Variants in ANK2 observed in about 807,000 individuals in gnomAD.
The protein encoded by ANK2 is ankyrin-2.
Under a neutral mutation model 360.5 loss-of-function variants are expected in ANK2, and 83 were observed. The observed-to-expected ratio is 0.23, with a 90% CI of 0.19 to 0.28. ANK2 has a LOEUF of 0.28. Among genes scored for constraint, ANK2 ranks in the 10% least tolerant of loss-of-function variants. The pLI is 1.00. For synonymous variants in ANK2, 1,740 were observed against 1,759.5 expected, an observed-to-expected ratio of 0.99 and a Z score of 0.28; for missense variants, 4,201 against 4,795.7, an observed-to-expected ratio of 0.88 and a Z score of 3.66.
In ANK2 at chr4:113,174,056, A is replaced by G. The variant is rs578012027; in HGVS notation, c.85-360A>G. 3 of 262,252 alleles carry G rather than the reference A, an allele frequency of 1.1e-5. No individual in the cohort carries two copies. The South Asian group carries it at 1.3e-4, about 11-fold the overall frequency. 16.2% of individuals were successfully genotyped at this position (262,252 alleles called of 1,614,324 possible). A position where few individuals can be genotyped will look rare whatever the true frequency, so the allele number is the denominator to read the frequency against. On this transcript the variant is annotated intron_variant, in intron 1 of 45. Coordinates refer to ENST00000357077, the MANE Select transcript of ANK2 (RefSeq NM_001148.6). ...TTTTTTGACTTGAGGTTAGCTCAGT[A>G]TAAAGTCACTAGAATCTTGAAGCTA...
chr4:113,138,151 C>A (rs555947043), intron 1 of ANK2, among the ~76,000 whole-genome samples: 3 of 152,206 alleles, frequency 2.0e-5, no homozygotes, highest in African/African-American at 7.2e-5. Context: ...TGTATAGATA[C>A]ATTTACTCTA....
At chr4:112,791,086 T>G in the ANK2 span, among the ~76,000 whole-genome samples, 1 of 152,204 alleles carries the variant, frequency 6.6e-6, no homozygotes, top group African/African-American at 2.4e-5. Flanking sequence ...TTCATGTGGC[T>G]TCAGAAGGCA....
chr4:112,889,817 T>C (rs752583096), intron 1 of ANK2, among the ~76,000 whole-genome samples: 20 of 152,216 alleles, frequency 1.3e-4, no homozygotes, highest in Non-Finnish European at 2.4e-4. Flanking sequence ...GCATGAATTA[T>C]TTGAGTTTGA....
At chr4:112,815,871 A>G (rs192865029), upstream of ANK2, among the ~76,000 whole-genome samples, 490 of 152,326 alleles carry the variant, frequency 3.2e-3, 3 homozygotes, top group Admixed American at 6.9e-3. Context: ...CTCACCTTAC[A>G]TGCCTTTTCA....
chr4:113,091,806 A>T (rs1036841058), intron 1 of ANK2, among the ~76,000 whole-genome samples: 13 of 152,196 alleles, frequency 8.5e-5, no homozygotes, highest in African/African-American at 3.1e-4. Flanking sequence ...CTTGTTTTAT[A>T]GATTAAGTGC....
At chr4:113,336,279 T>G in intron 30 of ANK2, 1 of 561,612 alleles carries the variant, frequency 1.8e-6, no homozygotes, top group Non-Finnish European at 3.0e-6. Flanking sequence ...CAGCTACAAA[T>G]GTTTTCTTCT....
At chr4:113,154,926 C>G (rs755949113) in intron 1 of ANK2, among the ~76,000 whole-genome samples, 1 of 152,154 alleles carries the variant, frequency 6.6e-6, no homozygotes, top group Non-Finnish European at 1.5e-5. Context: ...GCTTCCTGGC[C>G]CATCTTGGTC....
At chr4:113,343,692 T>C (rs2094526124) in intron 34 of ANK2, among the ~76,000 whole-genome samples, 1 of 152,142 alleles carries the variant, frequency 6.6e-6, no homozygotes, top group Non-Finnish European at 1.5e-5. Context: ...AAGTTAGGGA[T>C]TTGAGGTGAT....
At chr4:113,179,516 A>G (rs2098338678) in intron 2 of ANK2, among the ~76,000 whole-genome samples, 2 of 152,236 alleles carry the variant, frequency 1.3e-5, no homozygotes, top group African/African-American at 4.8e-5. Flanking sequence ...AATTTGGCAC[A>G]TGAAAATACT....
At chr4:113,184,646 G>A (rs2098479623) in intron 2 of ANK2, among the ~76,000 whole-genome samples, 1 of 152,112 alleles carries the variant, frequency 6.6e-6, no homozygotes, top group Non-Finnish European at 1.5e-5. Context: ...CCCTTTTGCA[G>A]TAGCTGAGAT....
rs529101616 is a variant in ANK2, at chr4:113,328,318, T to C, written c.2901-1928T>C. 2.6e-5 allele frequency among the ~76,000 whole-genome samples: 4 copies of C among 151,886 alleles called. No individual in the cohort carries two copies. The East Asian group carries it at 5.8e-4, about 22-fold the overall frequency. ...TATCAGTGAGTCAAAAATATTGCAA[T>C]GAATTTGGAAGTAGCACTAGTTGAA... On this transcript the variant is annotated intron_variant, in intron 26 of 45. Transcript: ENST00000357077.
chr4:113,226,467 C>T (rs566782784), intron 4 of ANK2, among the ~76,000 whole-genome samples: 21 of 152,254 alleles, frequency 1.4e-4, no homozygotes, highest in Admixed American at 3.9e-4. Flanking sequence ...CTGTTACTCC[C>T]AGTAACTTCG....
intron 7 of ANK2, 109 bp downstream of exon 7, chr4:113,237,731 G>A: frequency 9.5e-7 from 1 of 1,049,920 alleles, no homozygotes; most frequent in Non-Finnish European, 1.5e-6. Context: ...TTTGATTAAT[G>A]GGAAATTAAT....
At chr4:112,775,515 T>TCACACACACACACACACACACA in the ANK2 span, among the ~76,000 whole-genome samples, 5,287 of 118,002 alleles carry the variant, frequency 0.045, 257 homozygotes, top group Middle Eastern at 0.067. Context: ...CTAAGCTCCA[T>TCACACACACACACACACACACA]CACACACACA....
intron 1 of ANK2, among the ~76,000 whole-genome samples, chr4:113,108,135 T>C (rs1298988451): frequency 2.0e-5 from 3 of 152,192 alleles, no homozygotes; most frequent in African/African-American, 7.2e-5. Flanking sequence ...GGTTTAGCTT[T>C]GTGTTTTTAA....
chr4:113,235,238 G>A (rs890324795), intron 5 of ANK2, among the ~76,000 whole-genome samples: 1 of 152,114 alleles, frequency 6.6e-6, no homozygotes, highest in African/African-American at 2.4e-5. Context: ...CATTCACAGA[G>A]CATTTAATTT....
chr4:112,713,048 A>T, the ANK2 span, among the ~76,000 whole-genome samples: 1 of 152,204 alleles, frequency 6.6e-6, no homozygotes, highest in Non-Finnish European at 1.5e-5. Context: ...ATAGCCACTG[A>T]TCTGTTCTCT....
chr4:113,295,551 T>G (rs968224798), intron 22 of ANK2, among the ~76,000 whole-genome samples: 6 of 152,146 alleles, frequency 3.9e-5, no homozygotes, highest in Non-Finnish European at 7.4e-5. Context: ...GGATGAAAAT[T>G]CCTTTTAGAA....
chr4:112,824,737 G>C (rs2058037670), intron 1 of ANK2, among the ~76,000 whole-genome samples: 1 of 151,656 alleles, frequency 6.6e-6, no homozygotes, highest in South Asian at 2.1e-4. Context: ...TTCCTGACCA[G>C]GTGATCTACC....
Sources: allele counts gnomAD v4.1 joint callset (sites outside exome capture counted in the v4.1 genomes callset), GRCh38; gene constraint gnomAD v4.1.1; transcripts MANE v1.5; gene names NCBI Gene and HGNC (gene_info 2026-07-23, HGNC 2026-07-21).